RANBP2: variants seen among roughly 807,000 people sequenced by gnomAD.
The protein encoded by RANBP2 is E3 SUMO-protein ligase RanBP2.
Under a neutral mutation model 303.6 loss-of-function variants are expected in RANBP2, and 57 were observed. The ratio of observed to expected loss-of-function variants is 0.19; its 90% CI spans 0.15 to 0.23. The LOEUF (loss-of-function observed/expected upper bound fraction) is 0.23, where lower values mean the gene tolerates loss of function less well. Among genes scored for constraint, RANBP2 ranks in the 10% least tolerant of loss-of-function variants. RANBP2 has a pLI of 1.00. For missense variants in RANBP2, 3,138 were observed against 3,780.8 expected (o/e 0.83, Z 4.46); for synonymous variants, 1,167 against 1,301.5 (o/e 0.90, Z 2.23).
the RANBP2 span, among the ~76,000 whole-genome samples, chr2:109,434,384 T>C: frequency 6.6e-6 from 1 of 152,224 alleles, no homozygotes; most frequent in African/African-American, 2.4e-5. Flanking sequence ...ATTCTTCCTT[T>C]ATCTTTACCT....
At chr2:108,995,490 G>A in the RANBP2 span, among the ~76,000 whole-genome samples, 1 of 152,170 alleles carries the variant, frequency 6.6e-6, no homozygotes, top group Non-Finnish European at 1.5e-5. Flanking sequence ...CAAAGCTGTG[G>A]TCAGCAAAAG....
intron 2 of RANBP2, among the ~76,000 whole-genome samples, chr2:108,729,840 G>A (rs1004335076): frequency 1.2e-4 from 18 of 151,722 alleles, no homozygotes; most frequent in Non-Finnish European, 2.4e-4. Flanking sequence ...CCACCTCAGC[G>A]CCCCAAGTAG....
At chr2:109,525,057 G>A in the RANBP2 span, among the ~76,000 whole-genome samples, 1 of 151,514 alleles carries the variant, frequency 6.6e-6, no homozygotes, top group African/African-American at 2.4e-5. Flanking sequence ...TCCCATGGTG[G>A]GCATTTAGGC....
chr2:109,153,930 A>G, the RANBP2 span, among the ~76,000 whole-genome samples: 13 of 152,236 alleles, frequency 8.5e-5, no homozygotes, highest in Non-Finnish European at 1.6e-4. Context: ...ATGAAGTGCA[A>G]TTATAAAATT....
chr2:109,300,288 T>C, the RANBP2 span, among the ~76,000 whole-genome samples: 1 of 152,166 alleles, frequency 6.6e-6, no homozygotes, highest in East Asian at 1.9e-4. Context: ...CAAGCAGTTC[T>C]CCTGTCTTAG....
chr2:109,278,927 C>T, the RANBP2 span, among the ~76,000 whole-genome samples: 4 of 152,294 alleles, frequency 2.6e-5, no homozygotes, highest in East Asian at 1.9e-4. Context: ...CCCGAGGCTC[C>T]GTGAGAATGT....
At chr2:109,592,034 C>T in the RANBP2 span, among the ~76,000 whole-genome samples, 1 of 152,192 alleles carries the variant, frequency 6.6e-6, no homozygotes, top group Non-Finnish European at 1.5e-5. Flanking sequence ...AATTACCAAA[C>T]CCCTCCCCAC....
At chr2:109,193,843 C>T in the RANBP2 span, among the ~76,000 whole-genome samples, 1 of 152,172 alleles carries the variant, frequency 6.6e-6, no homozygotes, top group African/African-American at 2.4e-5. Flanking sequence ...ATTTAAGTCT[C>T]GTCTAGCCCC....
At chr2:109,342,610 G>A in the RANBP2 span, among the ~76,000 whole-genome samples, 2 of 152,200 alleles carry the variant, frequency 1.3e-5, no homozygotes, top group Admixed American at 6.5e-5. Context: ...GCCAGTTGGG[G>A]TTGTGCCCTC....
the RANBP2 span, among the ~76,000 whole-genome samples, chr2:109,156,249 C>G: frequency 6.6e-6 from 1 of 152,212 alleles, no homozygotes; most frequent in Non-Finnish European, 1.5e-5. Flanking sequence ...TGCCTTGGCT[C>G]ACACACAGTC....
chr2:109,537,737 G>A, the RANBP2 span, among the ~76,000 whole-genome samples: 20 of 152,196 alleles, frequency 1.3e-4, no homozygotes, highest in Non-Finnish European at 2.9e-4. Context: ...CTTGAACTCA[G>A]GAGTTCGAGA....
At chr2:109,457,513 G>A in the RANBP2 span, among the ~76,000 whole-genome samples, 3 of 152,196 alleles carry the variant, frequency 2.0e-5, no homozygotes, top group East Asian at 1.9e-4. Flanking sequence ...GACTAATAAC[G>A]AGTAACTAAT....
At chr2:109,760,860 C>T in the RANBP2 span, among the ~76,000 whole-genome samples, 1 of 130,140 alleles carries the variant, frequency 7.7e-6, no homozygotes, top group Non-Finnish European at 1.6e-5. Flanking sequence ...GCCGGGTGCT[C>T]CGGGCGGCCG....
At chr2:109,368,561 A>G in the RANBP2 span, among the ~76,000 whole-genome samples, 11 of 152,114 alleles carry the variant, frequency 7.2e-5, no homozygotes, top group Non-Finnish European at 1.2e-4. Flanking sequence ...TTCTTATTCT[A>G]ATATTCACTT....
chr2:109,637,523 A>T, the RANBP2 span, among the ~76,000 whole-genome samples: 1 of 149,622 alleles, frequency 6.7e-6, no homozygotes, highest in Non-Finnish European at 1.5e-5. Flanking sequence ...TCAAGGGCAG[A>T]GTTCCCTGCG....
the RANBP2 span, among the ~76,000 whole-genome samples, chr2:109,426,267 G>A: frequency 6.6e-6 from 1 of 152,168 alleles, no homozygotes; most frequent in Non-Finnish European, 1.5e-5. Context: ...CATGGATCTG[G>A]GCAAAGTAAA....
At chr2:109,153,646 A>G in the RANBP2 span, among the ~76,000 whole-genome samples, 1 of 151,964 alleles carries the variant, frequency 6.6e-6, no homozygotes. Flanking sequence ...AAAACATGAG[A>G]TCACCCCAGT....
the RANBP2 span, among the ~76,000 whole-genome samples, chr2:109,125,418 C>T: frequency 3.3e-5 from 5 of 152,352 alleles, no homozygotes; most frequent in Admixed American, 3.3e-4. Flanking sequence ...CCTGTTTCCT[C>T]TGAGCTTTTT....
At chr2:109,737,519 C>G in the RANBP2 span, 1 of 569,166 alleles carries the variant, frequency 1.8e-6, no homozygotes, top group Non-Finnish European at 3.1e-6. Context: ...TCGCGGGCAC[C>G]ATGGCAGTAG....
Sources: gnomAD v4.1 joint callset for allele counts (sites outside exome capture counted in the v4.1 genomes callset) on GRCh38, gnomAD v4.1.1 for gene constraint, MANE v1.5 for transcripts, NCBI Gene and HGNC (gene_info 2026-07-23, HGNC 2026-07-21) for gene names.